The following CD2AP variants were observed in gnomAD, a reference collection of about 807,000 sequenced individuals.
The protein encoded by CD2AP is CD2-associated protein.
In CD2AP, 46 loss-of-function variants were observed where a neutral mutation model predicts 85.1. That is an observed-to-expected ratio of 0.54 (90% CI 0.43 to 0.69). The LOEUF (loss-of-function observed/expected upper bound fraction) is 0.69. CD2AP is among the 30% of genes least tolerant of loss of function. The probability of loss-of-function intolerance (pLI) is 0.00; values close to 1 mark genes in which losing one functional copy is unlikely to be tolerated. For synonymous variants in CD2AP, 255 were observed against 252.9 expected, an observed-to-expected ratio of 1.01 and a Z score of -0.08; for missense variants, 769 against 729.5, an observed-to-expected ratio of 1.05 and a Z score of -0.62.
chr6:47,544,615 A>G lies in CD2AP; in HGVS notation c.329A>G (p.Lys110Arg). ...ATGTTACTTTCTTTAGAGACCAAGA[A>G]GCGTCAGTGTAAAGTTCTTTTTGAG... ...QTKNIKKKTK[K>R]RQCKVLFEYI... The change falls in exon 4 of 18, where the codon AAG becomes AGG. Residue 110 changes from lysine (K) to arginine (R), a missense_variant. Lys to Arg is a conservative substitution (Grantham distance 26). Coordinates refer to ENST00000359314, the MANE Select transcript of CD2AP (RefSeq NM_012120.3). 1 of 1,603,514 alleles carries G rather than the reference A, an allele frequency of 6.2e-7. No individual in the cohort carries two copies. The highest frequency in any genetic ancestry group is 1.1e-5 in the South Asian group (1 of 90,826).
At chr6:47,577,902 A>G (rs1768355992) in intron 8 of CD2AP, among the ~76,000 whole-genome samples, 1 of 152,268 alleles carries the variant, frequency 6.6e-6, no homozygotes, top group Admixed American at 6.5e-5. Context: ...TGACTTTGTT[A>G]TAAGATGTCA....
At chr6:47,492,126 C>G (rs1260361866) in intron 1 of CD2AP, among the ~76,000 whole-genome samples, 1 of 151,930 alleles carries the variant, frequency 6.6e-6, no homozygotes, top group East Asian at 1.9e-4. Context: ...GAAATTTCTC[C>G]TCTCTACACA....
intron 1 of CD2AP, among the ~76,000 whole-genome samples, chr6:47,501,741 T>C (rs1449670485): frequency 6.6e-6 from 1 of 152,116 alleles, no homozygotes; most frequent in Non-Finnish European, 1.5e-5. Flanking sequence ...ATATGGCTAG[T>C]CTGCTATCTT....
chr6:47,552,375 A>G (rs1484097792), intron 4 of CD2AP, among the ~76,000 whole-genome samples: 1 of 150,654 alleles, frequency 6.6e-6, no homozygotes, highest in East Asian at 1.9e-4. Context: ...TAGCTCCCAC[A>G]TATGAGTGAG....
At chr6:47,589,565 C>CACACACATATATATATATAT (rs139814970) in intron 11 of CD2AP, among the ~76,000 whole-genome samples, 300 of 120,972 alleles carry the variant, frequency 2.5e-3, no homozygotes, top group Non-Finnish European at 3.5e-3. Flanking sequence ...CACACACACA[C>CACACACATATATATATATAT]ATATATATAT....
At chr6:47,612,358 C>T in intron 16 of CD2AP, 115 bp from the exon 17 acceptor site, 2 of 691,656 alleles carry the variant, frequency 2.9e-6, no homozygotes, top group South Asian at 1.6e-5. Flanking sequence ...ATTGCTATTG[C>T]CCTTAAAAAG....
intron 5 of CD2AP, among the ~76,000 whole-genome samples, chr6:47,557,625 C>T (rs1178985292): frequency 6.6e-6 from 1 of 152,126 alleles, no homozygotes; most frequent in African/African-American, 2.4e-5. Flanking sequence ...TGTCAAAGAT[C>T]AGGTGGTTGT....
intron 13 of CD2AP, among the ~76,000 whole-genome samples, chr6:47,603,601 T>A (rs1169666055): frequency 6.6e-6 from 1 of 152,142 alleles, no homozygotes; most frequent in Admixed American, 6.6e-5. Context: ...AAACCTAATA[T>A]ACATCTTGTG....
intron 2 of CD2AP, among the ~76,000 whole-genome samples, chr6:47,523,457 T>C (rs918700032): frequency 4.6e-5 from 7 of 152,126 alleles, no homozygotes; most frequent in Non-Finnish European, 8.8e-5. Flanking sequence ...TCCACTTGTG[T>C]TGAATATGTT....
chr6:47,525,454 G>A (rs1277747573), intron 2 of CD2AP, among the ~76,000 whole-genome samples: 2 of 152,084 alleles, frequency 1.3e-5, no homozygotes, highest in African/African-American at 4.8e-5. Flanking sequence ...TGAAGTTCTT[G>A]ACTTCTCACC....
rs1582572565 is a variant in CD2AP at position 47,570,459 on chromosome 6, G to A, written c.542-3605G>A. The stretch of plus-strand genomic sequence containing the variant: ...AGTGTTAGAAGTACCATATAGATAA[G>A]GTTACTGTTTTGTCTCATTATGGCA... On this transcript the variant is annotated intron_variant, in intron 5 of 17. Coordinates refer to ENST00000359314, the MANE Select transcript of CD2AP (RefSeq NM_012120.3). Among the ~76,000 whole-genome samples, 5 of 152,186 alleles carry A rather than the reference G, an allele frequency of 3.3e-5. No individual in the cohort carries two copies. In the South Asian group the frequency reaches 1.0e-3, roughly 32 times the overall value.
At position 47,624,260 on chromosome 6, in the gene CD2AP, G is replaced by C. The variant is rs764151220; in HGVS notation, c.*33G>C. 6.4e-7 allele frequency: 1 copy of C among 1,567,596 alleles called. No individual in the cohort carries two copies. The highest frequency in any genetic ancestry group is 8.8e-7 in the Non-Finnish European group (1 of 1,138,302). On this transcript the variant is annotated 3_prime_UTR_variant, in exon 18 of 18. Transcript: ENST00000359314. ...GGACCTGGTGTTCATAATGTTCCAG[G>C]GATTCAGAAGCAACGCTATGAACTT...
Position 47,478,391 on chromosome 6 carries a change from C to T in CD2AP, c.4+143C>T, listed in dbSNP as rs577058736. Reference sequence around the variant, plus strand: ...ACCCTCTCCATTCTCCCCACCGCCCCTTCTTGCCCTGCCTTCCACCTTGCT... The same window carrying T: ...ACCCTCTCCATTCTCCCCACCGCCCTTTCTTGCCCTGCCTTCCACCTTGCT... On this transcript the variant is annotated intron_variant, in intron 1 of 17. Coordinates refer to ENST00000359314, the MANE Select transcript of CD2AP (RefSeq NM_012120.3). The T allele has an allele frequency of 3.8e-5, 37 of 971,186 alleles. 1 individual carries two copies. In the South Asian group the frequency reaches 4.8e-4, roughly 13 times the overall value. The allele number at this position is 971,186 out of a possible 1,614,324, so 60.2% of individuals were successfully genotyped here.
chr6:47,615,792 A>AATTTAATTT (rs1554129262), intron 17 of CD2AP, among the ~76,000 whole-genome samples: 2 of 117,374 alleles, frequency 1.7e-5, no homozygotes, highest in African/African-American at 5.8e-5. Flanking sequence ...AATTTAATTT[A>AATTTAATTT]ATTTATTTAT....
At chr6:47,586,371 G>A (rs1184082054) in intron 11 of CD2AP, among the ~76,000 whole-genome samples, 1 of 152,032 alleles carries the variant, frequency 6.6e-6, no homozygotes, top group Non-Finnish European at 1.5e-5. Flanking sequence ...AAAATGTATA[G>A]AAAAAAAGTG....
chr6:47,562,230 G>T lies in CD2AP; in HGVS notation c.541+7464G>T, dbSNP rs558787067. ...TTAGAAAGCAATATTATAATTCGTG[G>T]TTTATCAATAAACTATGAGTATAGA... is the stretch of plus-strand genomic sequence containing the variant. On this transcript the variant is annotated intron_variant, in intron 5 of 17. Coordinates refer to ENST00000359314, the MANE Select transcript of CD2AP (RefSeq NM_012120.3). Among the ~76,000 whole-genome samples, 75 of 152,196 alleles carry T rather than the reference G, an allele frequency of 4.9e-4. 2 individuals carry two copies. The South Asian group carries it at 0.016, about 32-fold the overall frequency.
At chr6:47,503,870 TGTTG>T (rs1766060701) in intron 2 of CD2AP, among the ~76,000 whole-genome samples, 1 of 152,352 alleles carries the variant, frequency 6.6e-6, no homozygotes, top group African/African-American at 2.4e-5. Context: ...TTTTGTCCAC[TGTTG>T]GTTAGCTAAG....
Position 47,577,029 on chromosome 6 carries a change from T to C in CD2AP, c.829T>C (p.Leu277=). 2.7e-6 allele frequency: 4 copies of C among 1,497,476 alleles called. No individual in the cohort carries two copies. The highest frequency in any genetic ancestry group is 3.7e-6 in the Non-Finnish European group (4 of 1,074,000). The allele number at this position is 1,497,476 out of a possible 1,614,324, so 92.8% of individuals were successfully genotyped here. The part of the protein sequence containing the change: ...KIKAKEYCRT[L]FAYEGTNEDE... The stretch of plus-strand genomic sequence containing the variant: ...TTCAGCTAAAGAATATTGTAGAACA[T>C]TATTTGCCTATGAAGGTACTAATGA... The change falls in exon 8 of 18, where the codon TTA becomes CTA. Residue 277 remains leucine, a synonymous_variant. Transcript: ENST00000359314.
intron 4 of CD2AP, among the ~76,000 whole-genome samples, chr6:47,551,743 A>G (rs1172228532): frequency 2.0e-5 from 3 of 152,128 alleles, no homozygotes; most frequent in African/African-American, 4.8e-5. Flanking sequence ...GAAAGATTCA[A>G]TGGTGGGGTG....
Sources: gnomAD v4.1 joint callset for allele counts (sites outside exome capture counted in the v4.1 genomes callset) on GRCh38, gnomAD v4.1.1 for gene constraint, MANE v1.5 for transcripts, NCBI Gene and HGNC (gene_info 2026-07-23, HGNC 2026-07-21) for gene names.